DNAH3: variants seen among roughly 807,000 people sequenced by gnomAD.
The protein encoded by DNAH3 is dynein axonemal heavy chain 3.
A neutral mutation model predicts 432.5 loss-of-function variants in DNAH3; 332 were observed. The ratio of observed to expected loss-of-function variants is 0.77; its 90% CI spans 0.70 to 0.84. The LOEUF (loss-of-function observed/expected upper bound fraction) is 0.84, where lower values mean the gene tolerates loss of function less well. DNAH3 is among the 40% of genes least tolerant of loss of function. The pLI is 0.00. For synonymous variants in DNAH3, 1,956 were observed against 1,900.2 expected, an observed-to-expected ratio of 1.03 and a Z score of -0.76; for missense variants, 4,861 against 5,114.0, an observed-to-expected ratio of 0.95 and a Z score of 1.51.
At chr16:21,050,338 T>C (rs1327103655) in intron 29 of DNAH3, among the ~76,000 whole-genome samples, 1 of 152,192 alleles carries the variant, frequency 6.6e-6, no homozygotes, top group Non-Finnish European at 1.5e-5. Flanking sequence ...CATACCTATA[T>C]AAATGAATCA....
chr16:20,955,153 C>G (rs2152596516), intron 54 of DNAH3, 96 bp from the exon 55 acceptor site: 1 of 1,279,300 alleles, frequency 7.8e-7, no homozygotes, highest in African/African-American at 1.5e-5. Flanking sequence ...CAAAACAGAC[C>G]AGCCTGGGTA....
intron 40 of DNAH3, among the ~76,000 whole-genome samples, 198 bp from the exon 41 acceptor site, chr16:21,020,067 TTG>T: frequency 6.7e-6 from 1 of 150,374 alleles, no homozygotes; most frequent in African/African-American, 2.5e-5. Context: ...GTCTCCCAGG[TTG>T]GAGTGCAGTG....
At chr16:21,072,675 T>C (rs1472622292) in intron 21 of DNAH3, among the ~76,000 whole-genome samples, 4 of 151,964 alleles carry the variant, frequency 2.6e-5, no homozygotes, top group Non-Finnish European at 4.4e-5. Flanking sequence ...AGACAGGGTC[T>C]CACTCTGTCA....
intron 15 of DNAH3, among the ~76,000 whole-genome samples, chr16:21,105,682 A>T (rs2091929317): frequency 6.7e-6 from 1 of 150,198 alleles, no homozygotes; most frequent in Non-Finnish European, 1.5e-5. Flanking sequence ...ATGAGAATTG[A>T]TGGACCCTGA....
intron 11 of DNAH3, chr16:21,120,582 G>C (rs1319062331): frequency 1.5e-6 from 1 of 654,782 alleles, no homozygotes; most frequent in Non-Finnish European, 2.8e-6. Context: ...GAGGAAGCTA[G>C]GGCTGTGGGT....
intron 18 of DNAH3, among the ~76,000 whole-genome samples, chr16:21,095,419 T>C (rs2091647416): frequency 6.6e-6 from 1 of 152,190 alleles, no homozygotes; most frequent in Admixed American, 6.5e-5. Flanking sequence ...AAAGGCAGTG[T>C]GCTGAGTGAA....
chr16:20,985,003 A>C, intron 48 of DNAH3, 46 bp downstream of exon 48: 1 of 1,520,316 alleles, frequency 6.6e-7, no homozygotes. Flanking sequence ...AGAAGACCCC[A>C]AAACACCCAG....
intron 51 of DNAH3, among the ~76,000 whole-genome samples, chr16:20,971,254 A>C (rs1270364645): frequency 3.3e-5 from 5 of 151,984 alleles, no homozygotes; most frequent in African/African-American, 1.2e-4. Context: ...ATAAAGAAAC[A>C]CTAAAATTTA....
intron 52 of DNAH3, among the ~76,000 whole-genome samples, chr16:20,967,420 A>G (rs1244772119): frequency 6.6e-6 from 1 of 151,930 alleles, no homozygotes; most frequent in Non-Finnish European, 1.5e-5. Context: ...GAGCTTAAAA[A>G]AAATCCTAAT....
chr16:21,070,667 G>A, intron 22 of DNAH3, 43 bp downstream of exon 22: 1 of 1,301,824 alleles, frequency 7.7e-7, no homozygotes, highest in Non-Finnish European at 1.1e-6. Flanking sequence ...GAAACCCAGA[G>A]CTAACGAAAC....
At chr16:20,941,168 G>A (rs2083792655) in intron 59 of DNAH3, among the ~76,000 whole-genome samples, 2 of 152,168 alleles carry the variant, frequency 1.3e-5, no homozygotes, top group Non-Finnish European at 2.9e-5. Flanking sequence ...ACTGGTTTTA[G>A]CCTAACTTTA....
intron 55 of DNAH3, among the ~76,000 whole-genome samples, chr16:20,954,500 G>A (rs1003322005): frequency 2.6e-5 from 4 of 151,812 alleles, no homozygotes; most frequent in African/African-American, 9.7e-5. Flanking sequence ...ATGTTACCCA[G>A]GCTGGTCTCG....
chr16:21,062,437 ACT>A, intron 25 of DNAH3, 43 bp downstream of exon 25: 1 of 1,534,598 alleles, frequency 6.5e-7, no homozygotes, highest in Non-Finnish European at 9.0e-7. Flanking sequence ...TCTCTGATTT[ACT>A]CTGTTATGGA....
intron 18 of DNAH3, among the ~76,000 whole-genome samples, chr16:21,094,841 A>G (rs1254084134): frequency 6.6e-6 from 1 of 152,122 alleles, no homozygotes; most frequent in Non-Finnish European, 1.5e-5. Flanking sequence ...TGTTCTCATG[A>G]TAGTGAATAA....
At chr16:21,085,892 CA>C (rs1170725677) in intron 19 of DNAH3, among the ~76,000 whole-genome samples, 3 of 152,052 alleles carry the variant, frequency 2.0e-5, no homozygotes, top group African/African-American at 7.2e-5. Context: ...CTCAGCCTCC[CA>C]AGTTACTGGA....
intron 25 of DNAH3, among the ~76,000 whole-genome samples, chr16:21,062,027 T>A (rs2090377501): frequency 6.6e-6 from 1 of 152,232 alleles, no homozygotes; most frequent in South Asian, 2.1e-4. Context: ...AAGTAATTTA[T>A]ACTTTACTCA....
rs1354427861 is a variant in DNAH3 at position 20,949,294 on chromosome 16, TC to T, written c.11189-658del. Among the ~76,000 whole-genome samples the T allele has an allele frequency of 2.2e-5, 3 of 138,994 alleles. No individual in the cohort carries two copies. In the Admixed American group the frequency reaches 2.2e-4, roughly 10 times the overall value. The allele number at this position is 138,994 out of a possible 152,430, so 91.2% of individuals were successfully genotyped here. On this transcript the variant is annotated intron_variant, in intron 56 of 61. Coordinates refer to ENST00000261383, the Ensembl canonical transcript of DNAH3. ...AAAAAAAAAAAAAAAAGACCTGCAC[TC>T]CAGCCTGGGCAACAAGAGCGAAACT...
intron 1 of DNAH3, among the ~76,000 whole-genome samples, chr16:21,148,385 T>C (rs1036588771): frequency 6.6e-6 from 1 of 152,160 alleles, no homozygotes; most frequent in Non-Finnish European, 1.5e-5. Context: ...CCTAGCCATG[T>C]AATTGGCCGG....
intron 1 of DNAH3, among the ~76,000 whole-genome samples, chr16:21,154,495 A>C (rs964157644): frequency 1.3e-5 from 2 of 152,138 alleles, no homozygotes; most frequent in Non-Finnish European, 2.9e-5. Flanking sequence ...TCTGAAATTT[A>C]GTGTGTTTTA....
Sources: gnomAD v4.1 joint callset for allele counts (sites outside exome capture counted in the v4.1 genomes callset) on GRCh38, gnomAD v4.1.1 for gene constraint, MANE v1.5 for transcripts, NCBI Gene and HGNC (gene_info 2026-07-23, HGNC 2026-07-21) for gene names.